N4BP2L2: variants seen among roughly 807,000 people sequenced by gnomAD.
The protein encoded by N4BP2L2 is NEDD4 binding protein 2 like 2.
Under a neutral mutation model 56.2 loss-of-function variants are expected in N4BP2L2, and 50 were observed. The observed-to-expected ratio is 0.89, with a 90% CI of 0.71 to 1.13. N4BP2L2 has a LOEUF of 1.13. N4BP2L2 is among the 50% of genes most tolerant of loss of function. The pLI is 0.00. For synonymous variants in N4BP2L2, 203 were observed against 223.6 expected, an observed-to-expected ratio of 0.91 and a Z score of 0.82; for missense variants, 689 against 693.8, an observed-to-expected ratio of 0.99 and a Z score of 0.08.
In N4BP2L2 at chr13:32,490,623, T is replaced by A. The variant is rs186858102; in HGVS notation, c.365+27234A>T. The stretch of plus-strand genomic sequence containing the variant: ...CCTGGCCGAAGCTATTGTTTTTATC[T>A]GAGTATTTGGTGACTTACACAAGCA... On this transcript the variant is annotated intron_variant, in intron 6 of 9. Transcript: ENST00000357505. 2.0e-5 allele frequency among the ~76,000 whole-genome samples: 3 copies of A among 152,302 alleles called. No individual in the cohort carries two copies. The East Asian group carries it at 5.8e-4, about 29-fold the overall frequency.
chr13:32,465,736 C>A (rs1440492980), intron 6 of N4BP2L2, among the ~76,000 whole-genome samples: 1 of 152,146 alleles, frequency 6.6e-6, no homozygotes, highest in Admixed American at 6.5e-5. Context: ...TTACTACAAC[C>A]TCTGTCTCCT....
Position 32,498,266 on chromosome 13 carries a change from T to C in N4BP2L2, c.365+19591A>G, listed in dbSNP as rs369971037. 1.2e-4 allele frequency among the ~76,000 whole-genome samples: 18 copies of C among 152,304 alleles called. No homozygotes were observed. In the East Asian group the frequency reaches 3.1e-3, roughly 26 times the overall value. ...GGGATTACAGGCATGAGCCACTGCATGCAGCTGACACATAATTATGTCTGT... is the reference window on the plus strand; with the variant it reads ...GGGATTACAGGCATGAGCCACTGCACGCAGCTGACACATAATTATGTCTGT... On this transcript the variant is annotated intron_variant, in intron 6 of 9. Transcript: ENST00000357505.
At chr13:32,485,481 C>T (rs993343457) in intron 6 of N4BP2L2, among the ~76,000 whole-genome samples, 2 of 152,138 alleles carry the variant, frequency 1.3e-5, no homozygotes, top group Non-Finnish European at 2.9e-5. Flanking sequence ...CCAAAAACAT[C>T]ACACAAAAAC....
intron 6 of N4BP2L2, among the ~76,000 whole-genome samples, chr13:32,450,639 T>C (rs1407941349): frequency 2.7e-5 from 4 of 150,590 alleles, no homozygotes; most frequent in Admixed American, 2.6e-4. Flanking sequence ...TGTTTTTGTT[T>C]TTTTTTTATA....
chr13:32,488,759 T>A (rs1044072612), intron 6 of N4BP2L2, among the ~76,000 whole-genome samples: 1 of 152,148 alleles, frequency 6.6e-6, no homozygotes, highest in Non-Finnish European at 1.5e-5. Context: ...GCTACTTTTG[T>A]AATAGAAAAA....
At chr13:32,437,279 G>A (rs2075638980) in intron 8 of N4BP2L2, among the ~76,000 whole-genome samples, 2 of 152,204 alleles carry the variant, frequency 1.3e-5, no homozygotes, top group South Asian at 4.1e-4. Context: ...GGAGAAACAA[G>A]AAGATGAGGA....
chr13:32,513,757 GAAAA>G (rs533734378), exon 6 of N4BP2L2: 23 of 149,974 alleles, frequency 1.5e-4, no homozygotes, highest in African/African-American at 5.4e-4. Context: ...CAAATGTTAA[GAAAA>G]AAAAAGCAAC....
chr13:32,452,416 ACACAAAAATGAGAACTTT>A (rs2078250981), intron 6 of N4BP2L2, among the ~76,000 whole-genome samples: 1 of 152,186 alleles, frequency 6.6e-6, no homozygotes, highest in South Asian at 2.1e-4. Flanking sequence ...CCAGGAAGTT[ACACAAAAATGAGAACTTT>A]CAGGCTAGTC....
At chr13:32,501,155 A>T (rs1251880796) in intron 6 of N4BP2L2, among the ~76,000 whole-genome samples, 1 of 152,188 alleles carries the variant, frequency 6.6e-6, no homozygotes, top group Non-Finnish European at 1.5e-5. Flanking sequence ...GGTGTGAGCC[A>T]CTGCACCTGG....
At chr13:32,480,484 TATTTAA>T in intron 6 of N4BP2L2, 1 of 532,214 alleles carries the variant, frequency 1.9e-6, no homozygotes, top group Non-Finnish European at 3.0e-6. Context: ...GACGGCATCA[TATTTAA>T]AGTCTCTTCA....
At chr13:32,513,369 T>C (rs1749206136) in exon 6 of N4BP2L2, 1 of 152,186 alleles carries the variant, frequency 6.6e-6, no homozygotes, top group African/African-American at 2.4e-5. Context: ...CCTATATTTT[T>C]AGGGTCTATT....
Position 32,518,005 on chromosome 13 carries a change from T to A in N4BP2L2, c.1551-2A>T, listed in dbSNP as rs770311862. 3 of 1,610,830 alleles carry A rather than the reference T, an allele frequency of 1.9e-6. No homozygotes were observed. The highest frequency in any genetic ancestry group is 2.5e-6 in the Non-Finnish European group (3 of 1,179,184). The stretch of plus-strand genomic sequence containing the variant: ...CGAGACACACCATGTTTATTCCTCC[T>A]AACAAAAAAGAAAAGGATTGTAAAT... On this transcript the variant is annotated splice_acceptor_variant, in intron 5 of 5. Coordinates refer to ENST00000267068, the Ensembl canonical transcript of N4BP2L2. LOFTEE classifies it high-confidence loss of function.
intron 6 of N4BP2L2, among the ~76,000 whole-genome samples, chr13:32,474,166 T>C (rs1011092921): frequency 6.6e-6 from 1 of 152,124 alleles, no homozygotes; most frequent in Non-Finnish European, 1.5e-5. Flanking sequence ...TGCAAGTAAA[T>C]AAATGTGTAA....
chr13:32,502,677 A>C (rs949216808), intron 6 of N4BP2L2, among the ~76,000 whole-genome samples: 1 of 152,186 alleles, frequency 6.6e-6, no homozygotes, highest in Admixed American at 6.5e-5. Flanking sequence ...CGAATTCTGC[A>C]ATTTCAAACT....
At chr13:32,517,755 C>G (rs2049552252) in exon 6 of N4BP2L2, 1 of 1,600,982 alleles carries the variant, frequency 6.2e-7, no homozygotes. Flanking sequence ...GGCTCACTAA[C>G]TCTTTTTCAA....
At chr13:32,461,261 A>C (rs1425240046) in intron 6 of N4BP2L2, among the ~76,000 whole-genome samples, 1 of 152,202 alleles carries the variant, frequency 6.6e-6, no homozygotes, top group Non-Finnish European at 1.5e-5. Flanking sequence ...ATAGTAGATA[A>C]ATGGGACTTA....
At chr13:32,437,223 T>G (rs919677906) in intron 8 of N4BP2L2, among the ~76,000 whole-genome samples, 8 of 152,202 alleles carry the variant, frequency 5.3e-5, no homozygotes, top group Middle Eastern at 6.8e-3. Flanking sequence ...GCTCTGTGTG[T>G]GTGTATGTGT....
At chr13:32,454,326 A>G (rs1040210866) in intron 6 of N4BP2L2, among the ~76,000 whole-genome samples, 9 of 152,250 alleles carry the variant, frequency 5.9e-5, no homozygotes, top group African/African-American at 1.9e-4. Flanking sequence ...CTAATGGAAC[A>G]AAGACTTCAG....
chr13:32,486,442 G>A (rs2085875323), intron 6 of N4BP2L2, among the ~76,000 whole-genome samples: 1 of 152,116 alleles, frequency 6.6e-6, no homozygotes, highest in African/African-American at 2.4e-5. Flanking sequence ...TTAGGAGGGT[G>A]AGGCGGGTGG....
Sources: gnomAD v4.1 joint callset for allele counts (sites outside exome capture counted in the v4.1 genomes callset) on GRCh38, gnomAD v4.1.1 for gene constraint, MANE v1.5 for transcripts, NCBI Gene and HGNC (gene_info 2026-07-23, HGNC 2026-07-21) for gene names.